The following SLC5A4 variants were observed in gnomAD, a reference collection of about 807,000 sequenced individuals.
SLC5A4 encodes the protein solute carrier family 5 member 4, also known as probable glucose sensor protein SLC5A4.
A neutral mutation model predicts 70.3 loss-of-function variants in SLC5A4; 55 were observed. The ratio of observed to expected loss-of-function variants is 0.78; its 90% CI spans 0.63 to 0.98. SLC5A4 has a LOEUF of 0.98. Among genes scored for constraint, SLC5A4 ranks in the 50% least tolerant of loss-of-function variants. SLC5A4 has a pLI of 0.00. For missense variants in SLC5A4, 735 were observed against 839.2 expected (o/e 0.88, Z 1.53); for synonymous variants, 268 against 305.7 (o/e 0.88, Z 1.29).
At chr22:32,325,572 G>A in the SLC5A4 span, among the ~76,000 whole-genome samples, 2 of 152,246 alleles carry the variant, frequency 1.3e-5, no homozygotes. Flanking sequence ...TCATCTGCCA[G>A]AAGGTGTCTG....
the SLC5A4 span, chr22:32,270,727 C>T: frequency 3.1e-6 from 2 of 640,616 alleles, no homozygotes; most frequent in Non-Finnish European, 2.9e-6. Context: ...CCCTGTGGGC[C>T]TGGTCACCCG....
chr22:32,257,660 T>C (rs1927558060), upstream of SLC5A4, among the ~76,000 whole-genome samples: 1 of 94,930 alleles, frequency 1.1e-5, no homozygotes, highest in African/African-American at 8.3e-5. Flanking sequence ...CAAGGTTTTC[T>C]TTTTTTTTTA....
chr22:32,279,048 G>A, the SLC5A4 span, among the ~76,000 whole-genome samples: 2 of 152,140 alleles, frequency 1.3e-5, no homozygotes, highest in African/African-American at 2.4e-5. Context: ...AGGCCGAGGC[G>A]AACGGATCAC....
At chr22:32,345,466 GTTT>G in the SLC5A4 span, among the ~76,000 whole-genome samples, 1 of 152,092 alleles carries the variant, frequency 6.6e-6, no homozygotes. Flanking sequence ...TAGTTTGCAA[GTTT>G]TTTTCTTTAA....
At chr22:32,225,577 T>G in intron 12 of SLC5A4, 78 bp downstream of exon 12, 1 of 861,432 alleles carries the variant, frequency 1.2e-6, no homozygotes. Flanking sequence ...GGAGAAAGAA[T>G]GTATTTTGAT....
At chr22:32,260,916 T>C in the SLC5A4 span, among the ~76,000 whole-genome samples, 1 of 152,046 alleles carries the variant, frequency 6.6e-6, no homozygotes, top group Non-Finnish European at 1.5e-5. Context: ...CTGCTAAAAA[T>C]ACAAAAATTA....
At chr22:32,300,337 C>G in the SLC5A4 span, among the ~76,000 whole-genome samples, 57 of 151,674 alleles carry the variant, frequency 3.8e-4, no homozygotes, top group African/African-American at 1.4e-3. Flanking sequence ...ACCCTCTGAG[C>G]CAGGTGCGGG....
chr22:32,225,882 G>A, intron 11 of SLC5A4, 59 bp from the exon 12 acceptor site: 2 of 1,208,106 alleles, frequency 1.7e-6, no homozygotes. Context: ...TACTTCCATT[G>A]TGCTTTAGTT....
chr22:32,307,573 G>C, the SLC5A4 span, among the ~76,000 whole-genome samples: 2 of 152,180 alleles, frequency 1.3e-5, no homozygotes, highest in African/African-American at 4.8e-5. Context: ...GGGTTTTCTA[G>C]GAGGATCCTG....
the SLC5A4 span, among the ~76,000 whole-genome samples, chr22:32,302,770 C>T: frequency 1.3e-5 from 2 of 152,158 alleles, no homozygotes; most frequent in South Asian, 2.1e-4. Flanking sequence ...CCATTTCTCC[C>T]ACTTTACTCT....
chr22:32,257,214 G>C (rs1927530767), upstream of SLC5A4, among the ~76,000 whole-genome samples: 1 of 152,170 alleles, frequency 6.6e-6, no homozygotes, highest in African/African-American at 2.4e-5. Context: ...TTCTTGGAGA[G>C]AGATATATTC....
chr22:32,248,823 A>T (rs770535523), intron 3 of SLC5A4, 21 bp from the exon 4 acceptor site: 1 of 1,535,268 alleles, frequency 6.5e-7, no homozygotes, highest in Non-Finnish European at 9.0e-7. Context: ...CCAAAATAAG[A>T]GACAGTGAGA....
chr22:32,336,374 G>C, the SLC5A4 span, among the ~76,000 whole-genome samples: 1 of 152,218 alleles, frequency 6.6e-6, no homozygotes, highest in Non-Finnish European at 1.5e-5. Flanking sequence ...ACTCACGCAA[G>C]CTGGCATCTT....
the SLC5A4 span, among the ~76,000 whole-genome samples, chr22:32,324,267 G>GTATATATATATATACACACATATATGTA: frequency 4.9e-5 from 6 of 121,368 alleles, no homozygotes; most frequent in East Asian, 8.6e-4. Flanking sequence ...ACACATATAT[G>GTATATATATATATACACACATATATGTA]TATATATATA....
At chr22:32,301,443 GCTGT>G in the SLC5A4 span, among the ~76,000 whole-genome samples, 15 of 152,202 alleles carry the variant, frequency 9.9e-5, no homozygotes, top group Admixed American at 6.5e-5. Context: ...GTACTTATTT[GCTGT>G]CTGTATTTAA....
chr22:32,296,766 T>C, the SLC5A4 span, among the ~76,000 whole-genome samples: 1 of 61,798 alleles, frequency 1.6e-5, no homozygotes, highest in African/African-American at 6.5e-5. Flanking sequence ...TTTTTGCCCA[T>C]TCAGTATGAT....
At chr22:32,308,560 G>A in the SLC5A4 span, among the ~76,000 whole-genome samples, 13 of 152,202 alleles carry the variant, frequency 8.5e-5, no homozygotes, top group African/African-American at 3.1e-4. Flanking sequence ...ACCATCTCCT[G>A]GCCAAAGAAG....
At chr22:32,231,137 A>C in intron 9 of SLC5A4, 62 bp from the exon 10 acceptor site, 1 of 952,514 alleles carries the variant, frequency 1.0e-6, no homozygotes, top group South Asian at 1.3e-5. Context: ...ACAACCATTA[A>C]ACAAAGAGAA....
intron 3 of SLC5A4, among the ~76,000 whole-genome samples, chr22:32,250,821 T>G (rs1927095789): frequency 6.6e-6 from 1 of 151,924 alleles, no homozygotes; most frequent in Non-Finnish European, 1.5e-5. Flanking sequence ...TGGATGAAGC[T>G]GGAAAGCCCT....
Sources: allele counts gnomAD v4.1 joint callset (sites outside exome capture counted in the v4.1 genomes callset), GRCh38; gene constraint gnomAD v4.1.1; transcripts MANE v1.5; gene names NCBI Gene and HGNC (gene_info 2026-07-23, HGNC 2026-07-21).